The following BTBD10 variants were observed in gnomAD, a reference collection of about 807,000 sequenced individuals.
BTBD10 encodes BTB domain containing 10.
In BTBD10, 21 loss-of-function variants were observed where a neutral mutation model predicts 53.2. The observed-to-expected ratio is 0.39, with a 90% CI of 0.28 to 0.57. The LOEUF (loss-of-function observed/expected upper bound fraction) is 0.57, where lower values mean the gene tolerates loss of function less well. Ranked by LOEUF, BTBD10 falls within the 20% of genes least tolerant of loss-of-function variation. The probability of loss-of-function intolerance (pLI) is 0.53; values close to 1 mark genes in which losing one functional copy is unlikely to be tolerated. For synonymous variants in BTBD10, 149 were observed against 192.7 expected, an observed-to-expected ratio of 0.77 and a Z score of 1.88; for missense variants, 360 against 594.7, an observed-to-expected ratio of 0.61 and a Z score of 4.10.
chr11:13,393,883 T>C (rs1949468220), intron 8 of BTBD10, among the ~76,000 whole-genome samples: 2 of 152,222 alleles, frequency 1.3e-5, no homozygotes, highest in Non-Finnish European at 2.9e-5. Context: ...AAAACTTTAA[T>C]AAGTATTTAA....
intron 6 of BTBD10, among the ~76,000 whole-genome samples, chr11:13,412,771 C>T (rs1949991044): frequency 6.6e-6 from 1 of 152,200 alleles, no homozygotes; most frequent in African/African-American, 2.4e-5. Flanking sequence ...CAATGACTTC[C>T]CCTTCCTCTG....
intron 6 of BTBD10, among the ~76,000 whole-genome samples, chr11:13,410,384 G>A (rs188985343): frequency 5.3e-5 from 8 of 152,220 alleles, no homozygotes; most frequent in African/African-American, 9.6e-5. Flanking sequence ...GAGTAACATC[G>A]TAATTAAGCC....
chr11:13,392,696 T>A (rs958642477), intron 8 of BTBD10, among the ~76,000 whole-genome samples: 1 of 152,190 alleles, frequency 6.6e-6, no homozygotes, highest in African/African-American at 2.4e-5. Context: ...GTCCTACTAC[T>A]GTCTTGCCAT....
intron 2 of BTBD10, among the ~76,000 whole-genome samples, chr11:13,441,456 G>A (rs1177734913): frequency 2.0e-5 from 3 of 151,848 alleles, no homozygotes; most frequent in Non-Finnish European, 2.9e-5. Flanking sequence ...GAAAAAAGAA[G>A]GAAAATGATC....
At chr11:13,391,915 G>A (rs1949417270) in intron 8 of BTBD10, among the ~76,000 whole-genome samples, 1 of 152,240 alleles carries the variant, frequency 6.6e-6, no homozygotes, top group African/African-American at 2.4e-5. Context: ...CCGCATTCCA[G>A]CCTGGTGACA....
rs1046752669 is a variant in BTBD10, at chr11:13,393,771, T to A, written c.1118-4630A>T. Among the ~76,000 whole-genome samples, 41 of 152,300 alleles carry A rather than the reference T, an allele frequency of 2.7e-4. 1 individual carries two copies. The highest frequency in any genetic ancestry group is 8.3e-4 in the South Asian group (4 of 4,828). Reference sequence around the variant, plus strand: ...GGAAATTTTTTTAATTTTAAATTTTTAATTTTTAAAATTTCTACTTAAAAT... The same window carrying A: ...GGAAATTTTTTTAATTTTAAATTTTAAATTTTTAAAATTTCTACTTAAAAT... On this transcript the variant is annotated intron_variant, in intron 8 of 8. Coordinates refer to ENST00000278174, the MANE Select transcript of BTBD10 (RefSeq NM_032320.7).
chr11:13,405,590 C>A, intron 7 of BTBD10, 69 bp downstream of exon 7: 1 of 1,551,026 alleles, frequency 6.4e-7, no homozygotes, highest in Non-Finnish European at 8.9e-7. Flanking sequence ...ATGAGAAGAG[C>A]TCTTCTTTAC....
At chr11:13,409,884 G>A (rs1303147423) in intron 6 of BTBD10, among the ~76,000 whole-genome samples, 3 of 152,256 alleles carry the variant, frequency 2.0e-5, no homozygotes, top group Middle Eastern at 3.4e-3. Flanking sequence ...CTCATAAAAA[G>A]CTTGATTAAG....
At chr11:13,441,791 C>T (rs1399597703) in intron 2 of BTBD10, among the ~76,000 whole-genome samples, 1 of 152,030 alleles carries the variant, frequency 6.6e-6, no homozygotes, top group Admixed American at 6.6e-5. Context: ...TGCTTATTTC[C>T]TTACGTTTAT....
chr11:13,458,502 C>T (rs1250088665), intron 1 of BTBD10, among the ~76,000 whole-genome samples: 4 of 152,198 alleles, frequency 2.6e-5, no homozygotes, highest in African/African-American at 9.7e-5. Flanking sequence ...CAAACTACTC[C>T]AAATCAGGAA....
chr11:13,443,199 A>G (rs1950692064), intron 2 of BTBD10, among the ~76,000 whole-genome samples: 2 of 151,814 alleles, frequency 1.3e-5, no homozygotes, highest in Admixed American at 6.6e-5. Flanking sequence ...GGTTGCAGTA[A>G]GTTGAGATGG....
At chr11:13,456,144 C>T (rs1201909246) in intron 1 of BTBD10, among the ~76,000 whole-genome samples, 1 of 152,160 alleles carries the variant, frequency 6.6e-6, no homozygotes, top group Non-Finnish European at 1.5e-5. Context: ...GGTAGCATTC[C>T]ACTTTAATAA....
intron 2 of BTBD10, chr11:13,440,205 A>T: frequency 7.3e-7 from 1 of 1,375,192 alleles, no homozygotes; most frequent in Non-Finnish European, 9.5e-7. Flanking sequence ...ATATTAATTC[A>T]GTTTATTTTC....
intron 5 of BTBD10, among the ~76,000 whole-genome samples, chr11:13,414,913 A>C (rs957046600): frequency 3.3e-5 from 5 of 150,388 alleles, no homozygotes; most frequent in Admixed American, 1.3e-4. Context: ...CAAAGTAACC[A>C]GTAACACAAT....
intron 8 of BTBD10, among the ~76,000 whole-genome samples, chr11:13,393,305 T>G (rs950706453): frequency 5.9e-5 from 9 of 152,222 alleles, no homozygotes; most frequent in Non-Finnish European, 1.3e-4. Context: ...CATATCCAAG[T>G]TCTCTCTGGT....
At chr11:13,417,617 T>C (rs1370594479) in intron 4 of BTBD10, among the ~76,000 whole-genome samples, 1 of 152,056 alleles carries the variant, frequency 6.6e-6, no homozygotes, top group Non-Finnish European at 1.5e-5. Flanking sequence ...GGAAACCAGG[T>C]TATCTGTGCT....
At chr11:13,414,666 A>AT (rs1474753218) in intron 5 of BTBD10, among the ~76,000 whole-genome samples, 1 of 150,410 alleles carries the variant, frequency 6.6e-6, no homozygotes, top group African/African-American at 2.4e-5. Flanking sequence ...AATAAAAATA[A>AT]TAAAAAAAAA....
chr11:13,454,321 A>G (rs1046296040), intron 1 of BTBD10, among the ~76,000 whole-genome samples: 1 of 152,212 alleles, frequency 6.6e-6, no homozygotes, highest in Non-Finnish European at 1.5e-5. Flanking sequence ...AGTGGGGATA[A>G]AAGACAGAAA....
intron 8 of BTBD10, among the ~76,000 whole-genome samples, chr11:13,389,719 G>T (rs1488655715): frequency 6.6e-6 from 1 of 152,160 alleles, no homozygotes. Flanking sequence ...CCACCATGCC[G>T]GCCTCTAGCT....
Sources: allele counts gnomAD v4.1 joint callset (sites outside exome capture counted in the v4.1 genomes callset), GRCh38; gene constraint gnomAD v4.1.1; transcripts MANE v1.5; gene names NCBI Gene and HGNC (gene_info 2026-07-23, HGNC 2026-07-21).